PLCG2: variants seen among roughly 807,000 people sequenced by gnomAD.
PLCG2 encodes the protein phospholipase C gamma 2.
Under a neutral mutation model 175.6 loss-of-function variants are expected in PLCG2, and 69 were observed. The observed-to-expected ratio is 0.39, with a 90% confidence interval of 0.32 to 0.48. PLCG2 has a LOEUF of 0.48. PLCG2 is among the 20% of genes least tolerant of loss of function. The probability of loss-of-function intolerance (pLI) is 0.91; values close to 1 mark genes in which losing one functional copy is unlikely to be tolerated. For synonymous variants in PLCG2, 827 were observed against 624.0 expected (o/e 1.33, Z -4.85); for missense variants, 1,798 against 1,650.9 (o/e 1.09, Z -1.54).
intron 30 of PLCG2, among the ~76,000 whole-genome samples, chr16:81,943,090 T>A (rs555606073): frequency 9.5e-4 from 145 of 152,236 alleles, no homozygotes; most frequent in African/African-American, 3.4e-3. Context: ...GGAACCATGC[T>A]ATTGGAGTGT....
intron 2 of PLCG2, among the ~76,000 whole-genome samples, chr16:81,839,189 A>G (rs1309065188): frequency 6.6e-6 from 1 of 152,204 alleles, no homozygotes. Context: ...ACATCAGTTC[A>G]GGTGAAAACG....
chr16:81,776,844 T>G (rs940306472), upstream of PLCG2, among the ~76,000 whole-genome samples: 3 of 152,204 alleles, frequency 2.0e-5, no homozygotes, highest in African/African-American at 7.2e-5. Context: ...TATGAGCCAC[T>G]GCACCTGGCA....
chr16:81,832,142 C>T (rs1905286626), intron 2 of PLCG2, among the ~76,000 whole-genome samples: 1 of 152,024 alleles, frequency 6.6e-6, no homozygotes, highest in Non-Finnish European at 1.5e-5. Flanking sequence ...TTCTGTGGCA[C>T]TCAAATGAGG....
chr16:81,893,553 G>T (rs116757850), intron 11 of PLCG2, among the ~76,000 whole-genome samples, 156 bp from the exon 12 acceptor site: 233 of 152,306 alleles, frequency 1.5e-3, no homozygotes, highest in African/African-American at 5.2e-3. Flanking sequence ...GTGTATTTCT[G>T]TCCTAGGCCT....
intron 2 of PLCG2, among the ~76,000 whole-genome samples, chr16:81,801,157 C>T (rs752525783): frequency 6.6e-6 from 1 of 152,108 alleles, no homozygotes; most frequent in African/African-American, 2.4e-5. Flanking sequence ...AATTCAGTAG[C>T]GTAGCGATTG....
chr16:81,873,259 G>T (rs796170222), intron 7 of PLCG2, among the ~76,000 whole-genome samples: 14 of 152,260 alleles, frequency 9.2e-5, no homozygotes, highest in African/African-American at 3.4e-4. Flanking sequence ...GAGATCAATG[G>T]TTATAAAACT....
intron 24 of PLCG2, among the ~76,000 whole-genome samples, chr16:81,929,101 C>T (rs1310871822): frequency 3.3e-5 from 5 of 152,202 alleles, no homozygotes; most frequent in South Asian, 2.1e-4. Context: ...AAACCCAGCC[C>T]GCCCACGTTG....
intron 9 of PLCG2, among the ~76,000 whole-genome samples, chr16:81,887,771 A>G (rs533674114): frequency 3.9e-5 from 6 of 152,346 alleles, no homozygotes; most frequent in African/African-American, 1.4e-4. Context: ...GCATTGATCA[A>G]AGTTGAATTT....
chr16:81,858,788 T>A (rs752053150), intron 4 of PLCG2, among the ~76,000 whole-genome samples: 1 of 152,178 alleles, frequency 6.6e-6, no homozygotes, highest in Non-Finnish European at 1.5e-5. Context: ...TAGATGGGCA[T>A]TGGGGTGTGA....
chr16:81,891,640 G>C (rs1908642173), intron 11 of PLCG2, 50 bp downstream of exon 11: 1 of 1,083,238 alleles, frequency 9.2e-7, no homozygotes, highest in African/African-American at 1.5e-5. Flanking sequence ...GAGCACGTGA[G>C]GGTTGAGGCA....
chr16:81,952,047 G>A (rs1198968663), intron 31 of PLCG2, among the ~76,000 whole-genome samples: 3 of 151,652 alleles, frequency 2.0e-5, no homozygotes, highest in Non-Finnish European at 4.4e-5. Context: ...TGGGAGGAAG[G>A]GACAAATGGG....
chr16:81,795,101 A>G (rs535390015), intron 2 of PLCG2, among the ~76,000 whole-genome samples: 1 of 152,250 alleles, frequency 6.6e-6, no homozygotes, highest in Non-Finnish European at 1.5e-5. Context: ...GTGTTGGGCA[A>G]TGTGCTTGTC....
chr16:81,858,216 C>T (rs780452024), intron 3 of PLCG2, 47 bp from the exon 4 acceptor site: 2 of 1,325,962 alleles, frequency 1.5e-6, no homozygotes, highest in Non-Finnish European at 1.1e-6. Context: ...AAGCAGACGT[C>T]TTCCCAGGAA....
At chr16:81,955,628 C>CT (rs746330538) in intron 31 of PLCG2, among the ~76,000 whole-genome samples, 66 of 152,328 alleles carry the variant, frequency 4.3e-4, no homozygotes, top group Non-Finnish European at 8.5e-4. Flanking sequence ...CTGTTTTCCT[C>CT]TTTTTCTGGC....
chr16:81,876,270 G>A (rs1405583532), intron 7 of PLCG2, among the ~76,000 whole-genome samples: 8 of 151,940 alleles, frequency 5.3e-5, no homozygotes, highest in Non-Finnish European at 1.2e-4. Context: ...TGATCCACCC[G>A]CCTTGGCCTC....
intron 2 of PLCG2, among the ~76,000 whole-genome samples, chr16:81,801,415 C>T (rs532423414): frequency 3.3e-5 from 5 of 152,270 alleles, no homozygotes; most frequent in Non-Finnish European, 7.3e-5. Flanking sequence ...CCTCAAGCAA[C>T]TTGCATGTTT....
At chr16:81,935,511 A>G in intron 26 of PLCG2, 1 of 984,994 alleles carries the variant, frequency 1.0e-6, no homozygotes, top group African/African-American at 1.7e-5. Flanking sequence ...GGGTGTTTTG[A>G]GCTGCTTCCA....
At chr16:81,813,199 T>A (rs1400448040) in intron 2 of PLCG2, among the ~76,000 whole-genome samples, 1 of 152,208 alleles carries the variant, frequency 6.6e-6, no homozygotes, top group Non-Finnish European at 1.5e-5. Context: ...AGTTTCTAAT[T>A]CTGTGAAGAA....
Position 81,880,982 on chromosome 16 carries a change from G to A in PLCG2, c.692+29G>A, listed in dbSNP as rs374336710. On this transcript the variant is annotated intron_variant, in intron 8 of 32. Transcript: ENST00000564138. ...AGGCAGCTCTTGTGTGTCGTTCGGGGCGGCTGTGCCGGACCTCGGTGCCTG... is the reference window on the plus strand; with the variant it reads ...AGGCAGCTCTTGTGTGTCGTTCGGGACGGCTGTGCCGGACCTCGGTGCCTG... The A allele has an allele frequency of 8.1e-6, 13 of 1,612,034 alleles. No homozygotes were observed. In the Admixed American group the frequency reaches 8.3e-5, roughly 10 times the overall value.
Sources: allele counts gnomAD v4.1 joint callset (sites outside exome capture counted in the v4.1 genomes callset), GRCh38; gene constraint gnomAD v4.1.1; transcripts MANE v1.5; gene names NCBI Gene and HGNC (gene_info 2026-07-23, HGNC 2026-07-21).